The following PAQR3 variants were observed in gnomAD, a reference collection of about 807,000 sequenced individuals.
PAQR3 encodes Raf kinase trapping to Golgi.
PAQR3 carries 39 observed loss-of-function variants against 41.7 expected under a neutral mutation model. The ratio of observed to expected loss-of-function variants is 0.93; its 90% CI spans 0.72 to 1.22. The LOEUF is 1.22. Among genes scored for constraint, PAQR3 ranks in the 50% most tolerant of loss-of-function variants. The pLI is 0.00. For missense variants in PAQR3, 366 were observed against 385.6 expected (o/e 0.95, Z 0.42); for synonymous variants, 140 against 140.6 (o/e 1.00, Z 0.03).
At position 78,914,843 on chromosome 4, in the gene PAQR3, T is replaced by C. The variant is rs1445584378; in HGVS notation, c.*5696A>G. ...CTTGAACATCACTAAGAGAAGTAAA[T>C]TATTATGAAGCTAGCAAAAATCTTG... is the stretch of plus-strand genomic sequence containing the variant. On this transcript the variant is annotated 3_prime_UTR_variant, in exon 6 of 6. Coordinates refer to ENST00000512733, the MANE Select transcript of PAQR3 (RefSeq NM_001040202.2). 1.3e-5 allele frequency: 2 copies of C among 151,860 alleles called. No individual in the cohort carries two copies. Among genetic ancestry groups the C allele is most frequent in the Non-Finnish European group, 2.9e-5 (2 of 67,880 alleles). 9.4% of individuals were successfully genotyped at this position (151,860 alleles called of 1,614,324 possible). A position where few individuals can be genotyped will look rare whatever the true frequency, so the allele number is the denominator to read the frequency against.
At chr4:78,938,526 C>T (rs1168218205) in intron 1 of PAQR3, among the ~76,000 whole-genome samples, 2 of 152,106 alleles carry the variant, frequency 1.3e-5, no homozygotes, top group African/African-American at 4.8e-5. Context: ...CCAGGCTACA[C>T]CTTAGTAGCT....
downstream of PAQR3, among the ~76,000 whole-genome samples, chr4:78,910,231 C>T (rs1577987097): frequency 6.6e-6 from 1 of 152,142 alleles, no homozygotes; most frequent in Non-Finnish European, 1.5e-5. Context: ...GAAATATAAG[C>T]AGGAGGTATT....
At chr4:78,937,851 A>C (rs1180427184) in intron 1 of PAQR3, among the ~76,000 whole-genome samples, 1 of 152,188 alleles carries the variant, frequency 6.6e-6, no homozygotes, top group African/African-American at 2.4e-5. Context: ...GTTGAGTAGA[A>C]AATATTTAAG....
downstream of PAQR3, among the ~76,000 whole-genome samples, chr4:78,909,447 T>C (rs1734465700): frequency 1.3e-5 from 2 of 152,170 alleles, no homozygotes; most frequent in African/African-American, 4.8e-5. Flanking sequence ...AGATGTATAA[T>C]GAAATATACG....
rs1412926944 is a variant in PAQR3, at chr4:78,918,072, T to G, written c.*2467A>C. ...AAATGGCTTAATATAGAAAGATAAT[T>G]GTTTCTTAAATGAGTTAACCACAAC... On this transcript the variant is annotated 3_prime_UTR_variant, in exon 6 of 6. Transcript: ENST00000512733. 3.1e-6 allele frequency: 3 copies of G among 978,366 alleles called. No individual in the cohort carries two copies. The highest frequency in any genetic ancestry group is 3.6e-6 in the Non-Finnish European group (3 of 823,372). The allele number at this position is 978,366 out of a possible 1,614,324, so 60.6% of individuals were successfully genotyped here.
At chr4:78,921,071 A>G (rs533332619) in intron 5 of PAQR3, among the ~76,000 whole-genome samples, 24 of 152,082 alleles carry the variant, frequency 1.6e-4, no homozygotes, top group African/African-American at 5.3e-4. Context: ...AATCCGCGAG[A>G]AGGAGATATA....
chr4:78,906,482 G>T (rs1252981817), intron 10 of PAQR3, among the ~76,000 whole-genome samples: 1 of 152,076 alleles, frequency 6.6e-6, no homozygotes, highest in Non-Finnish European at 1.5e-5. Context: ...GTCTTTTCTT[G>T]CTCTTTTTGA....
In PAQR3 at chr4:78,938,968, A is replaced by G. The variant is rs1737735783; in HGVS notation, c.185+72T>C. 22 of 1,410,678 alleles carry G rather than the reference A, an allele frequency of 1.6e-5. No homozygotes were observed. In the South Asian group the frequency reaches 2.8e-4, roughly 18 times the overall value. The allele number at this position is 1,410,678 out of a possible 1,614,324, so 87.4% of individuals were successfully genotyped here. ...GGGCAAGCAGAAAGGCGGGGAAAGC[A>G]GAAGGGGGACCAGACAAAAAGGGTG... On this transcript the variant is annotated intron_variant, in intron 1 of 5. Transcript: ENST00000512733.
chr4:78,893,640 A>G (rs1304720474), intron 11 of PAQR3, among the ~76,000 whole-genome samples: 1 of 152,154 alleles, frequency 6.6e-6, no homozygotes, highest in East Asian at 1.9e-4. Context: ...ATAACTCACT[A>G]TGGCCTCGAA....
intron 2 of PAQR3, among the ~76,000 whole-genome samples, chr4:78,932,838 C>A (rs1206208828): frequency 6.6e-6 from 1 of 151,954 alleles, no homozygotes; most frequent in East Asian, 1.9e-4. Flanking sequence ...ATATGTTATT[C>A]CTAGAGTTTA....
intron 11 of PAQR3, among the ~76,000 whole-genome samples, chr4:78,889,464 CTAAA>C (rs1400999033): frequency 6.6e-6 from 1 of 152,086 alleles, no homozygotes; most frequent in Non-Finnish European, 1.5e-5. Flanking sequence ...GTTAAAAAAT[CTAAA>C]TATATTGCTA....
downstream of PAQR3, chr4:78,911,699 A>T (rs751281890): frequency 1.9e-5 from 31 of 1,613,762 alleles, 1 homozygote; most frequent in South Asian, 3.4e-4. Context: ...GCACTGACTG[A>T]TGGGAAAGAT....
chr4:78,921,873 C>A (rs1735691851), intron 5 of PAQR3: 1 of 984,986 alleles, frequency 1.0e-6, no homozygotes, highest in Non-Finnish European at 1.2e-6. Flanking sequence ...TCTCATGTAC[C>A]CAAACTCAAT....
rs1734884225 is a variant in PAQR3 at position 78,914,610 on chromosome 4, AAC to A, written c.*5927_*5928del. 1.3e-5 allele frequency: 2 copies of A among 151,950 alleles called. No homozygotes were observed. The highest frequency in any genetic ancestry group is 4.8e-5 in the African/African-American group (2 of 41,400). 9.4% of individuals were successfully genotyped at this position (151,950 alleles called of 1,614,324 possible). Reference sequence around the variant, plus strand: ...GCTCCCAAGATATGTGAAAGTGCTTAACACAGTACCTGGCACACAGCACTCAA... The same window carrying A: ...GCTCCCAAGATATGTGAAAGTGCTTAACAGTACCTGGCACACAGCACTCAA... On this transcript the variant is annotated 3_prime_UTR_variant, in exon 6 of 6. Transcript: ENST00000512733.
At chr4:78,936,513 A>AGT (rs890236558) in intron 1 of PAQR3, among the ~76,000 whole-genome samples, 27 of 152,302 alleles carry the variant, frequency 1.8e-4, no homozygotes, top group African/African-American at 6.3e-4. Flanking sequence ...AACGCTTACT[A>AGT]GTAAGGATTT....
intron 1 of PAQR3, 111 bp from the exon 2 acceptor site, chr4:78,935,394 T>G: frequency 2.5e-6 from 2 of 784,534 alleles, no homozygotes; most frequent in East Asian, 2.8e-5. Flanking sequence ...CTTTAAGCTC[T>G]TACCCCACCT....
chr4:78,891,298 C>T (rs1431366816), intron 11 of PAQR3, among the ~76,000 whole-genome samples: 2 of 152,124 alleles, frequency 1.3e-5, no homozygotes, highest in African/African-American at 4.8e-5. Context: ...TCCTCTTTCT[C>T]TTCCTCCTTA....
At chr4:78,924,690 T>C (rs1352987904) in intron 4 of PAQR3, among the ~76,000 whole-genome samples, 1 of 146,734 alleles carries the variant, frequency 6.8e-6, no homozygotes, top group Non-Finnish European at 1.5e-5. Context: ...CTGGGTAACA[T>C]AGTAAGACAC....
At chr4:78,901,520 T>C (rs988404968) in intron 11 of PAQR3, among the ~76,000 whole-genome samples, 2 of 152,222 alleles carry the variant, frequency 1.3e-5, no homozygotes, top group African/African-American at 4.8e-5. Flanking sequence ...CCAGTATCTG[T>C]TTAAGATGGT....
Sources: gnomAD v4.1 joint callset for allele counts (sites outside exome capture counted in the v4.1 genomes callset) on GRCh38, gnomAD v4.1.1 for gene constraint, MANE v1.5 for transcripts, NCBI Gene and HGNC (gene_info 2026-07-23, HGNC 2026-07-21) for gene names.